ZNF518A: variants seen among roughly 807,000 people sequenced by gnomAD.
ZNF518A encodes zinc finger protein 518A.
A neutral mutation model predicts 102.7 loss-of-function variants in ZNF518A; 47 were observed. The ratio of observed to expected loss-of-function variants is 0.46; its 90% CI spans 0.36 to 0.58. The LOEUF (loss-of-function observed/expected upper bound fraction) is 0.58. Ranked by LOEUF, ZNF518A falls within the 20% of genes least tolerant of loss-of-function variation. ZNF518A has a pLI of 0.00. For missense variants in ZNF518A, 1,793 were observed against 1,699.8 expected, an observed-to-expected ratio of 1.05 and a Z score of -0.96; for synonymous variants, 652 against 594.6, an observed-to-expected ratio of 1.10 and a Z score of -1.40.
At chr10:96,186,586 C>T (rs7097495) in intron 1 of ZNF518A, among the ~76,000 whole-genome samples, 1,528 of 152,126 alleles carry the variant, frequency 0.01, 22 homozygotes, top group African/African-American at 0.034. Flanking sequence ...GTAGTAGAGA[C>T]GGGGTTTCAC....
chr10:96,196,252 A>T (rs1258760940), intron 1 of ZNF518A, among the ~76,000 whole-genome samples: 1 of 152,222 alleles, frequency 6.6e-6, no homozygotes, highest in Non-Finnish European at 1.5e-5. Flanking sequence ...CAAAACCAGA[A>T]TAAGTATCAC....
At chr10:96,205,046 C>T (rs1480195427), downstream of ZNF518A, 1 of 234,288 alleles carries the variant, frequency 4.3e-6, no homozygotes, top group Non-Finnish European at 8.5e-6. Context: ...GTGGTATAAG[C>T]AGTGTGTTAC....
At chr10:96,176,682 G>A (rs587656074) in intron 1 of ZNF518A, among the ~76,000 whole-genome samples, 1 of 152,318 alleles carries the variant, frequency 6.6e-6, no homozygotes, top group South Asian at 2.1e-4. Context: ...GATCACCTGA[G>A]GTCAGGAGTT....
chr10:96,158,677 A>G lies in ZNF518A; in HGVS notation c.2355A>G (p.Gln785=), dbSNP rs782592102. Residue 785 remains glutamine, a synonymous_variant, in exon 6 of 6, where the codon CAA becomes CAG. Transcript: ENST00000316045. ...AATTTCTGCCACCTGAAGTAAACCA[A>G]TTGCTTCAGGATGTATTGAAAATAA... ...ASEFLPPEVN[Q]LLQDVLKIKP... is the part of the protein sequence containing the mutation. 37 of 1,613,168 alleles carry G rather than the reference A, an allele frequency of 2.3e-5. No homozygotes were observed. The highest frequency in any genetic ancestry group is 5.5e-5 in the South Asian group (5 of 91,028).
chr10:96,179,161 C>A (rs2083223643), intron 1 of ZNF518A, among the ~76,000 whole-genome samples: 1 of 152,006 alleles, frequency 6.6e-6, no homozygotes, highest in Non-Finnish European at 1.5e-5. Flanking sequence ...AATGTATTAG[C>A]ATTAAAAACC....
chr10:96,141,788 G>A (rs2081941927), intron 3 of ZNF518A, among the ~76,000 whole-genome samples: 1 of 142,842 alleles, frequency 7.0e-6, no homozygotes, highest in African/African-American at 2.6e-5. Flanking sequence ...AGCTCTGTTG[G>A]TCTGGAGTGC....
At position 96,156,377 on chromosome 10, in the gene ZNF518A, AAAG is replaced by A; in HGVS notation, c.57_59del (p.Lys19_Asp20delinsAsn). ...TGATGAAAAACAAACTACTTTAAAAAAAGATTATGATGTGAAAAATGAGATAGT... is the reference window on the plus strand; with the variant it reads ...TGATGAAAAACAAACTACTTTAAAAAATTATGATGTGAAAAATGAGATAGT... On this transcript the variant is annotated inframe_deletion, in exon 6 of 6. Transcript: ENST00000316045. 1 of 1,593,916 alleles carries A rather than the reference AAAG, an allele frequency of 6.3e-7. No individual in the cohort carries two copies. The highest frequency in any genetic ancestry group is 8.5e-7 in the Non-Finnish European group (1 of 1,174,150).
chr10:96,180,204 T>TTTTTC, intron 1 of ZNF518A, among the ~76,000 whole-genome samples: 1 of 132,122 alleles, frequency 7.6e-6, no homozygotes, highest in Non-Finnish European at 1.6e-5. Flanking sequence ...TTTTTTTTTT[T>TTTTTC]AATAGAGATG....
Position 96,189,506 on chromosome 10 carries a change from G to A in ZNF518A, n.36-14068G>A, listed in dbSNP as rs2083296238. On this transcript the variant is annotated intron_variant and non_coding_transcript_variant, in intron 1 of 2. Transcript: ENST00000442635. ...TACTTGCTTGCATTTTTGATTTAAT[G>A]TCTTCTACAGAACTAGGCCCTTTTG... The A allele has an allele frequency of 6.2e-6, 4 of 641,044 alleles. No homozygotes were observed. The Admixed American group carries it at 7.5e-5, about 12-fold the overall frequency. 39.7% of individuals were successfully genotyped at this position (641,044 alleles called of 1,614,324 possible).
downstream of ZNF518A, among the ~76,000 whole-genome samples, chr10:96,165,353 C>A (rs1001409303): frequency 6.6e-6 from 1 of 151,982 alleles, no homozygotes; most frequent in South Asian, 2.1e-4. Flanking sequence ...AGTGATTCAC[C>A]TGCCTTGGCC....
chr10:96,204,297 G>T (rs2083737983), downstream of ZNF518A: 1 of 712,256 alleles, frequency 1.4e-6, no homozygotes, highest in African/African-American at 1.8e-5. Context: ...AGGAAATCTT[G>T]ACTAAAGTAT....
At position 96,160,162 on chromosome 10, in the gene ZNF518A, G is replaced by A. The variant is rs782800869; in HGVS notation, c.3840G>A (p.Lys1280=). ...FVSRNRNCKR[K]CRDSYQEPPR... is the part of the protein sequence containing the mutation. ...CTAGAAACAGAAACTGTAAACGAAA[G>A]TGTAGGGATAGTTACCAAGAACCTC... Residue 1280 remains lysine (K), a synonymous_variant, in exon 6 of 6, where the codon AAG becomes AAA. Coordinates refer to ENST00000316045, the MANE Select transcript of ZNF518A (RefSeq NM_001330736.2). 5.8e-5 allele frequency: 94 copies of A among 1,609,994 alleles called. No homozygotes were observed. The highest frequency in any genetic ancestry group is 7.9e-5 in the Non-Finnish European group (93 of 1,178,298).
rs1448797245 is a variant in ZNF518A, at chr10:96,130,494, A to C, written c.-711A>C. Among the ~76,000 whole-genome samples, 9 of 152,154 alleles carry C rather than the reference A, an allele frequency of 5.9e-5. No individual in the cohort carries two copies. The highest frequency in any genetic ancestry group is 2.2e-4 in the African/African-American group (9 of 41,444). On this transcript the variant is annotated 5_prime_UTR_variant, in exon 1 of 6. Coordinates refer to ENST00000316045, the MANE Select transcript of ZNF518A (RefSeq NM_001330736.2). ...TCCGCGCTCCCCGCGGGGCAGCCGA[A>C]CCCCGGAGGAAGGGGCGGATCGGGC...
chr10:96,193,056 T>C (rs2083368477), intron 1 of ZNF518A, among the ~76,000 whole-genome samples: 1 of 152,226 alleles, frequency 6.6e-6, no homozygotes, highest in African/African-American at 2.4e-5. Flanking sequence ...ATTCAGAATA[T>C]TGGCCAACAT....
At position 96,161,518 on chromosome 10, in the gene ZNF518A, G is replaced by A. The variant is rs1244513884; in HGVS notation, c.*744G>A. On this transcript the variant is annotated 3_prime_UTR_variant, in exon 6 of 6. Transcript: ENST00000316045. ...AACTCTTTGTCTCATTGAAAGTTTG[G>A]TTAAAGAACTTGAACATATTTCTAA... The A allele has an allele frequency of 3.0e-5, 5 of 166,714 alleles. No individual in the cohort carries two copies. The highest frequency in any genetic ancestry group is 1.3e-4 in the Admixed American group (2 of 15,254). 10.3% of individuals were successfully genotyped at this position (166,714 alleles called of 1,614,324 possible). A position where few individuals can be genotyped will look rare whatever the true frequency, so the allele number is the denominator to read the frequency against.
At position 96,201,139 on chromosome 10, in the gene ZNF518A, A is replaced by G; in HGVS notation, n.36-2435A>G. ...TATGCCTATCCCCTAACACTGTACT[A>G]GGTGCTGCCAGGGACACATCCACCA... On this transcript the variant is annotated intron_variant and non_coding_transcript_variant, in intron 1 of 2. Transcript: ENST00000442635. 16 of 1,243,886 alleles carry G rather than the reference A, an allele frequency of 1.3e-5. No homozygotes were observed. The South Asian group carries it at 1.9e-4, about 15-fold the overall frequency. 77.1% of individuals were successfully genotyped at this position (1,243,886 alleles called of 1,614,324 possible).
intron 1 of ZNF518A, chr10:96,201,123 C>T: frequency 7.2e-7 from 1 of 1,384,484 alleles, no homozygotes; most frequent in Non-Finnish European, 1.0e-6. Flanking sequence ...CTATGCCTAT[C>T]CCCTAACACT....
chr10:96,160,169 G>A lies in ZNF518A; in HGVS notation c.3847G>A (p.Asp1283Asn). ...CAGAAACTGTAAACGAAAGTGTAGG[G>A]ATAGTTACCAAGAACCTCCAAGAAG... ...RNRNCKRKCR[D>N]SYQEPPRRKA... Residue 1283 changes from aspartate (D) to asparagine (N), a missense_variant, in exon 6 of 6, where the codon GAT becomes AAT. Physicochemically the swap from Asp to Asn is conservative, Grantham distance 23. Transcript: ENST00000316045. 1 of 1,609,822 alleles carries A rather than the reference G, an allele frequency of 6.2e-7. No individual in the cohort carries two copies. The highest frequency in any genetic ancestry group is 8.5e-7 in the Non-Finnish European group (1 of 1,178,138).
At chr10:96,169,731 TTTG>T (rs1233286954) in intron 1 of ZNF518A, among the ~76,000 whole-genome samples, 2 of 152,232 alleles carry the variant, frequency 1.3e-5, no homozygotes, top group Non-Finnish European at 1.5e-5. Context: ...TCTCATTTTT[TTTG>T]TTGTTGAAGA....
Sources: gnomAD v4.1 joint callset for allele counts (sites outside exome capture counted in the v4.1 genomes callset) on GRCh38, gnomAD v4.1.1 for gene constraint, MANE v1.5 for transcripts, NCBI Gene and HGNC (gene_info 2026-07-23, HGNC 2026-07-21) for gene names.